The following BAZ2B variants were observed in gnomAD, a reference collection of about 807,000 sequenced individuals.
BAZ2B encodes the protein bromodomain adjacent to zinc finger domain 2B, also known as bromodomain adjacent to zinc finger domain protein 2B.
BAZ2B carries 91 observed loss-of-function variants against 246.0 expected under a neutral mutation model. That is an observed-to-expected ratio of 0.37 (90% CI 0.31 to 0.44). The LOEUF (loss-of-function observed/expected upper bound fraction) is 0.44, where lower values mean the gene tolerates loss of function less well. Among genes scored for constraint, BAZ2B ranks in the 20% least tolerant of loss-of-function variants. The pLI, the probability that BAZ2B is intolerant of heterozygous loss-of-function variation, is 1.00. For missense variants in BAZ2B, 2,332 were observed against 2,533.7 expected (o/e 0.92, Z 1.71); for synonymous variants, 855 against 860.0 (o/e 0.99, Z 0.10).
chr2:159,648,151 T>G, the BAZ2B span, among the ~76,000 whole-genome samples: 4 of 152,056 alleles, frequency 2.6e-5, no homozygotes, highest in Non-Finnish European at 5.9e-5. Flanking sequence ...ATTTATTTAT[T>G]TTTTGAGAAA....
chr2:159,661,660 G>A, the BAZ2B span, among the ~76,000 whole-genome samples: 1 of 152,150 alleles, frequency 6.6e-6, no homozygotes, highest in Non-Finnish European at 1.5e-5. Context: ...ATCTCAATGT[G>A]TGAGTGTATG....
chr2:159,547,926 G>A (rs2151424628), intron 2 of BAZ2B, among the ~76,000 whole-genome samples: 1 of 152,264 alleles, frequency 6.6e-6, no homozygotes, highest in African/African-American at 2.4e-5. Context: ...GCAGCATGGT[G>A]TTATTTATAT....
At position 159,326,943 on chromosome 2, in the gene BAZ2B, G is replaced by T. The variant is rs137903066; in HGVS notation, c.5944-1025C>A. ...TTTATTTTTATTTTCCAAATATGTG[G>T]TACACACCAAACACTTTTAGAAAAC... On this transcript the variant is annotated intron_variant, in intron 34 of 36. Transcript: ENST00000392783. Among the ~76,000 whole-genome samples the T allele has an allele frequency of 4.2e-4, 64 of 152,162 alleles. No individual in the cohort carries two copies. The East Asian group carries it at 0.012, about 29-fold the overall frequency.
At chr2:159,420,199 G>A (rs61280799) in intron 13 of BAZ2B, among the ~76,000 whole-genome samples, 1 of 152,000 alleles carries the variant, frequency 6.6e-6, no homozygotes, top group South Asian at 2.1e-4. Flanking sequence ...GTACTGAAAG[G>A]TGTGTTCACA....
At chr2:159,468,274 C>G (rs2077334860) in intron 3 of BAZ2B, among the ~76,000 whole-genome samples, 1 of 151,974 alleles carries the variant, frequency 6.6e-6, no homozygotes, top group African/African-American at 2.4e-5. Flanking sequence ...CCAAAGCAGG[C>G]AGAGCAACTG....
At chr2:159,691,390 T>C in the BAZ2B span, among the ~76,000 whole-genome samples, 1 of 152,200 alleles carries the variant, frequency 6.6e-6, no homozygotes. Context: ...ACATAGTCAA[T>C]TAACACATAT....
intron 3 of BAZ2B, among the ~76,000 whole-genome samples, chr2:159,474,500 C>T (rs1577487977): frequency 6.6e-6 from 1 of 152,310 alleles, no homozygotes; most frequent in Middle Eastern, 3.4e-3. Flanking sequence ...TGGGTCTTGA[C>T]TCTCTATCCA....
chr2:159,331,081 A>T (rs1045524398), intron 34 of BAZ2B, among the ~76,000 whole-genome samples: 1 of 152,172 alleles, frequency 6.6e-6, no homozygotes, highest in African/African-American at 2.4e-5. Flanking sequence ...TTGGTGATGC[A>T]GGAGAAGGGA....
upstream of BAZ2B, among the ~76,000 whole-genome samples, chr2:159,620,363 T>C (rs1378321821): frequency 2.0e-5 from 3 of 152,224 alleles, no homozygotes; most frequent in Non-Finnish European, 2.9e-5. Flanking sequence ...TTTGAGTGCT[T>C]GCTATATGCT....
intron 3 of BAZ2B, chr2:159,464,342 A>C (rs1418684079): frequency 6.6e-6 from 1 of 152,134 alleles, no homozygotes; most frequent in Non-Finnish European, 1.5e-5. Flanking sequence ...AATACACTGA[A>C]GTGTACTGGT....
At chr2:159,509,486 T>C (rs1034036520) in intron 2 of BAZ2B, among the ~76,000 whole-genome samples, 2 of 152,204 alleles carry the variant, frequency 1.3e-5, no homozygotes, top group African/African-American at 4.8e-5. Flanking sequence ...ATAACACATA[T>C]GGCTTTTTTC....
the BAZ2B span, among the ~76,000 whole-genome samples, chr2:159,690,877 C>A: frequency 8.6e-6 from 1 of 116,596 alleles, no homozygotes; most frequent in Non-Finnish European, 2.0e-5. Flanking sequence ...CTACTGATTC[C>A]TCTTGTTTAA....
chr2:159,692,623 G>A, the BAZ2B span, among the ~76,000 whole-genome samples: 1 of 152,068 alleles, frequency 6.6e-6, no homozygotes, highest in Non-Finnish European at 1.5e-5. Context: ...GGCTGAGGCT[G>A]GAGGATCACT....
At chr2:159,414,393 A>G (rs937308905) in intron 13 of BAZ2B, among the ~76,000 whole-genome samples, 1 of 152,202 alleles carries the variant, frequency 6.6e-6, no homozygotes, top group Non-Finnish European at 1.5e-5. Context: ...ACAATAATTT[A>G]TCATACATTT....
intron 27 of BAZ2B, among the ~76,000 whole-genome samples, chr2:159,355,229 A>G (rs1456590152): frequency 6.6e-6 from 1 of 152,174 alleles, no homozygotes; most frequent in Non-Finnish European, 1.5e-5. Context: ...CTAGGGTTCA[A>G]GCACCCCTAC....
intron 9 of BAZ2B, among the ~76,000 whole-genome samples, chr2:159,432,160 T>C (rs2071248748): frequency 6.6e-6 from 1 of 152,196 alleles, no homozygotes; most frequent in Admixed American, 6.5e-5. Flanking sequence ...TTCATTTTTG[T>C]ATTCGCAATT....
intron 1 of BAZ2B, among the ~76,000 whole-genome samples, chr2:159,563,626 T>A (rs2090087570): frequency 6.6e-6 from 1 of 152,066 alleles, no homozygotes. Context: ...ATAGTCAAAT[T>A]CATAGAGACA....
At chr2:159,652,735 G>A in the BAZ2B span, among the ~76,000 whole-genome samples, 1 of 151,076 alleles carries the variant, frequency 6.6e-6, no homozygotes, top group East Asian at 2.0e-4. Flanking sequence ...CTCCTGCCTC[G>A]GCCTCCCAAG....
intron 1 of BAZ2B, among the ~76,000 whole-genome samples, chr2:159,581,974 CAAG>C (rs1251394919): frequency 1.3e-5 from 2 of 151,976 alleles, no homozygotes; most frequent in Non-Finnish European, 2.9e-5. Flanking sequence ...ATGTAAATTA[CAAG>C]TTAATGGGTG....
Sources: allele counts gnomAD v4.1 joint callset (sites outside exome capture counted in the v4.1 genomes callset), GRCh38; gene constraint gnomAD v4.1.1; transcripts MANE v1.5; gene names NCBI Gene and HGNC (gene_info 2026-07-23, HGNC 2026-07-21).